ZDHHC14: variants seen among roughly 807,000 people sequenced by gnomAD.
ZDHHC14 encodes the protein palmitoyltransferase ZDHHC14.
Under a neutral mutation model 47.7 loss-of-function variants are expected in ZDHHC14, and 16 were observed. The observed-to-expected ratio is 0.34, with a 90% CI of 0.23 to 0.51. The LOEUF (loss-of-function observed/expected upper bound fraction) is 0.51. ZDHHC14 is among the 20% of genes least tolerant of loss of function. The probability of loss-of-function intolerance (pLI) is 0.97; values close to 1 mark genes in which losing one functional copy is unlikely to be tolerated. For synonymous variants in ZDHHC14, 293 were observed against 278.9 expected (o/e 1.05, Z -0.50); for missense variants, 515 against 662.5 (o/e 0.78, Z 2.44).
chr6:157,393,089 G>T (rs1010608421), intron 1 of ZDHHC14, among the ~76,000 whole-genome samples: 1 of 152,106 alleles, frequency 6.6e-6, no homozygotes, highest in South Asian at 2.1e-4. Context: ...ATGTTGGTCA[G>T]GCTGGTCTTG....
intron 1 of ZDHHC14, among the ~76,000 whole-genome samples, chr6:157,489,182 T>G (rs765768560): frequency 2.6e-5 from 4 of 152,244 alleles, no homozygotes; most frequent in Non-Finnish European, 5.9e-5. Flanking sequence ...GCTTGCTCAT[T>G]TGAGTTTTAT....
chr6:157,406,885 C>T (rs542382874), intron 1 of ZDHHC14, among the ~76,000 whole-genome samples: 4 of 152,302 alleles, frequency 2.6e-5, no homozygotes, highest in African/African-American at 9.6e-5. Context: ...TGCAGAAGAG[C>T]CTCTCTTTGT....
chr6:157,634,898 C>A (rs1776894732), intron 5 of ZDHHC14, among the ~76,000 whole-genome samples: 1 of 152,244 alleles, frequency 6.6e-6, no homozygotes. Context: ...GTCTGGCCTG[C>A]TGGCGGCTTC....
chr6:157,506,915 T>A (rs975728018), intron 1 of ZDHHC14, among the ~76,000 whole-genome samples: 25 of 149,050 alleles, frequency 1.7e-4, no homozygotes, highest in Non-Finnish European at 3.0e-4. Context: ...ATTTTTTTTT[T>A]AATTTTGGTT....
rs374354489 is a variant in ZDHHC14, at chr6:157,675,168, G to A, written c.*2046G>A. The A allele has an allele frequency of 5.9e-5, 9 of 152,238 alleles. No individual in the cohort carries two copies. The East Asian group carries it at 1.2e-3, about 20-fold the overall frequency. 9.4% of individuals were successfully genotyped at this position (152,238 alleles called of 1,614,324 possible). On this transcript the variant is annotated 3_prime_UTR_variant, in exon 9 of 9. Coordinates refer to ENST00000359775, the MANE Select transcript of ZDHHC14 (RefSeq NM_024630.3). ...AGAACGGTGCTCCATGGGTGACCGC[G>A]AATCCGGCTTAGCCCTCACTCCGGT...
At chr6:157,489,446 TG>T (rs1205549390) in intron 1 of ZDHHC14, among the ~76,000 whole-genome samples, 12 of 151,192 alleles carry the variant, frequency 7.9e-5, no homozygotes, top group African/African-American at 2.2e-4. Flanking sequence ...TTTTTTTTTT[TG>T]AATGTTTTTA....
chr6:157,524,088 C>A (rs1434864008), intron 1 of ZDHHC14, among the ~76,000 whole-genome samples: 1 of 151,710 alleles, frequency 6.6e-6, no homozygotes, highest in Non-Finnish European at 1.5e-5. Flanking sequence ...TATTTGTGTT[C>A]ACTTTATTGC....
chr6:157,470,987 G>C (rs917765773), intron 1 of ZDHHC14, among the ~76,000 whole-genome samples: 1 of 152,152 alleles, frequency 6.6e-6, no homozygotes, highest in African/African-American at 2.4e-5. Flanking sequence ...TGGAGCAACC[G>C]GTCAGTCGTC....
chr6:157,494,375 G>A (rs1780004679), intron 1 of ZDHHC14, among the ~76,000 whole-genome samples: 1 of 152,162 alleles, frequency 6.6e-6, no homozygotes, highest in South Asian at 2.1e-4. Flanking sequence ...CCCTCCCTGC[G>A]GGCTCTGCAT....
intron 1 of ZDHHC14, among the ~76,000 whole-genome samples, chr6:157,462,942 C>T (rs1562435228): frequency 6.6e-6 from 1 of 152,216 alleles, no homozygotes. Context: ...GTGACCCTCA[C>T]AGAATTACCA....
At chr6:157,500,703 A>G (rs1780173794) in intron 1 of ZDHHC14, among the ~76,000 whole-genome samples, 1 of 152,216 alleles carries the variant, frequency 6.6e-6, no homozygotes, top group African/African-American at 2.4e-5. Flanking sequence ...CCCACTGCCC[A>G]AGAACAGACA....
chr6:157,540,478 C>A (rs1267236891), intron 1 of ZDHHC14, among the ~76,000 whole-genome samples: 4 of 152,218 alleles, frequency 2.6e-5, no homozygotes, highest in Non-Finnish European at 5.9e-5. Context: ...TACTAAGTCA[C>A]CCTCACAGGA....
chr6:157,445,698 A>G lies in ZDHHC14; in HGVS notation c.245+63432A>G, dbSNP rs566635205. 2.6e-5 allele frequency among the ~76,000 whole-genome samples: 4 copies of G among 152,282 alleles called. No homozygotes were observed. In the South Asian group the frequency reaches 8.3e-4, roughly 32 times the overall value. On this transcript the variant is annotated intron_variant, in intron 1 of 8. Transcript: ENST00000359775. Reference sequence around the variant, plus strand: ...CCTTTCCGCTTTTCTTATGCCTTTAATGGTTTTTTAAACTACTATATTTAG... The same window carrying G: ...CCTTTCCGCTTTTCTTATGCCTTTAGTGGTTTTTTAAACTACTATATTTAG...
chr6:157,484,301 A>ATGTATATATATGTATATATATG (rs1779710995), intron 1 of ZDHHC14, among the ~76,000 whole-genome samples: 7 of 117,436 alleles, frequency 6.0e-5, no homozygotes, highest in African/African-American at 2.0e-4. Flanking sequence ...GTGTATATAT[A>ATGTATATATATGTATATATATG]TATACATATA....
At chr6:157,597,187 G>A (rs898161717) in intron 3 of ZDHHC14, among the ~76,000 whole-genome samples, 2 of 152,154 alleles carry the variant, frequency 1.3e-5, no homozygotes, top group African/African-American at 4.8e-5. Context: ...CTGGGGCCAG[G>A]GAGCCACCTC....
intron 1 of ZDHHC14, among the ~76,000 whole-genome samples, chr6:157,408,475 A>G (rs1307725357): frequency 6.6e-6 from 1 of 152,122 alleles, no homozygotes; most frequent in Non-Finnish European, 1.5e-5. Context: ...AACAGGCCCC[A>G]GTGTGTGTTG....
intron 1 of ZDHHC14, among the ~76,000 whole-genome samples, chr6:157,527,639 T>C (rs1162125906): frequency 6.6e-6 from 1 of 152,180 alleles, no homozygotes; most frequent in East Asian, 1.9e-4. Context: ...CTAGAGCATT[T>C]TCAAGCTGTT....
At chr6:157,506,615 G>A (rs1684238597) in intron 1 of ZDHHC14, among the ~76,000 whole-genome samples, 1 of 152,200 alleles carries the variant, frequency 6.6e-6, no homozygotes, top group African/African-American at 2.4e-5. Flanking sequence ...ATCTTCCAGA[G>A]TTTATTTATT....
chr6:157,598,817 C>A (rs1041481518), intron 3 of ZDHHC14, among the ~76,000 whole-genome samples: 2 of 152,098 alleles, frequency 1.3e-5, no homozygotes, highest in African/African-American at 2.4e-5. Context: ...TTACCATGTT[C>A]AACCATTCAT....
Sources: gnomAD v4.1 joint callset for allele counts (sites outside exome capture counted in the v4.1 genomes callset) on GRCh38, gnomAD v4.1.1 for gene constraint, MANE v1.5 for transcripts, NCBI Gene and HGNC (gene_info 2026-07-23, HGNC 2026-07-21) for gene names.